MS4A7: variants seen among roughly 807,000 people sequenced by gnomAD.
MS4A7 encodes membrane spanning 4-domains A7, also known as membrane-spanning 4-domains subfamily A member 7.
A neutral mutation model predicts 23.5 loss-of-function variants in MS4A7; 21 were observed. The observed-to-expected ratio is 0.89, with a 90% CI of 0.63 to 1.29. The LOEUF is 1.29. Ranked by LOEUF, MS4A7 falls within the 50% of genes most tolerant of loss-of-function variation. MS4A7 has a pLI of 0.00. For missense variants in MS4A7, 263 were observed against 274.2 expected (o/e 0.96, Z 0.29); for synonymous variants, 111 against 107.4 (o/e 1.03, Z -0.21).
chr11:60,389,234 G>T, intron 4 of MS4A7, 156 bp from the exon 5 acceptor site: 1 of 605,840 alleles, frequency 1.7e-6, no homozygotes. Context: ...ATAGCGACAA[G>T]AGATACAAAG....
At chr11:60,379,370 A>C (rs1269441379) in intron 1 of MS4A7, among the ~76,000 whole-genome samples, 1 of 152,256 alleles carries the variant, frequency 6.6e-6, no homozygotes, top group Non-Finnish European at 1.5e-5. Flanking sequence ...AGTGGCAAAA[A>C]GAAAAAATAG....
Position 60,386,739 on chromosome 11 carries a change from CAATT to C in MS4A7, c.307_310del (p.Ile103SerfsTer12). 1 of 1,613,392 alleles carries C rather than the reference CAATT, an allele frequency of 6.2e-7. No homozygotes were observed. On this transcript the variant is annotated frameshift_variant, in exon 4 of 7. Coordinates refer to ENST00000300184, the MANE Select transcript of MS4A7 (RefSeq NM_021201.5). LOFTEE classifies it high-confidence loss of function. ...CAGTTTGGCATTACTGGATCCCTCT[CAATT>C]ATCTCTGGAAAACAATCAACTAAGC...
At position 60,383,998 on chromosome 11, in the gene MS4A7, T is replaced by C. The variant is rs11230295; in HGVS notation, c.147+710T>C. On this transcript the variant is annotated intron_variant, in intron 2 of 6. Coordinates refer to ENST00000300184, the MANE Select transcript of MS4A7 (RefSeq NM_021201.5). ...CTCATGACCCATTTTTCCCCGTTCA[T>C]ATGAGTAACTATAAGACATCCAAGT... 4.4e-3 allele frequency among the ~76,000 whole-genome samples: 667 copies of C among 152,322 alleles called. 8 individuals are homozygous for C. Among genetic ancestry groups the C allele is most frequent in the African/African-American group, 0.015 (633 of 41,570 alleles).
At position 60,394,811 on chromosome 11, in the gene MS4A7, T is replaced by A. The variant is rs2085595596; in HGVS notation, c.*950T>A. The A allele has an allele frequency of 2.9e-6, 1 of 340,962 alleles. No individual in the cohort carries two copies. 21.1% of individuals were successfully genotyped at this position (340,962 alleles called of 1,614,324 possible). A position where few individuals can be genotyped will look rare whatever the true frequency, so the allele number is the denominator to read the frequency against. On this transcript the variant is annotated 3_prime_UTR_variant, in exon 7 of 7. Transcript: ENST00000300184. The stretch of plus-strand genomic sequence containing the variant: ...GAACAAAACTCCATCTCAAAATAAA[T>A]AAAAAAATAAATAAAAATAAAAATA...
At chr11:60,385,770 G>A (rs888883263) in intron 3 of MS4A7, among the ~76,000 whole-genome samples, 2 of 152,190 alleles carry the variant, frequency 1.3e-5, no homozygotes, top group African/African-American at 4.8e-5. Flanking sequence ...AATGGCTCAT[G>A]AAAAAGGGCC....
Position 60,394,797 on chromosome 11 carries a change from C to T in MS4A7, c.*936C>T. On this transcript the variant is annotated 3_prime_UTR_variant, in exon 7 of 7. Coordinates refer to ENST00000300184, the MANE Select transcript of MS4A7 (RefSeq NM_021201.5). The stretch of plus-strand genomic sequence containing the variant: ...AGCCCGGCCTACAAGAACAAAACTC[C>T]ATCTCAAAATAAATAAAAAAATAAA... 1 of 310,164 alleles carries T rather than the reference C, an allele frequency of 3.2e-6. No homozygotes were observed. The highest frequency in any genetic ancestry group is 5.7e-6 in the Non-Finnish European group (1 of 175,238). The allele number at this position is 310,164 out of a possible 1,614,324, so 19.2% of individuals were successfully genotyped here. A position where few individuals can be genotyped will look rare whatever the true frequency, so the allele number is the denominator to read the frequency against.
At chr11:60,381,238 T>C (rs2085425600) in intron 1 of MS4A7, among the ~76,000 whole-genome samples, 2 of 152,236 alleles carry the variant, frequency 1.3e-5, no homozygotes, top group African/African-American at 4.8e-5. Flanking sequence ...CTGACTCCAC[T>C]GCAGGGATTC....
intron 3 of MS4A7, 53 bp downstream of exon 3, chr11:60,385,275 G>T: frequency 6.2e-7 from 1 of 1,605,986 alleles, no homozygotes; most frequent in East Asian, 2.2e-5. Context: ...TGCTAACCAG[G>T]TGCATAGTCG....
intron 4 of MS4A7, among the ~76,000 whole-genome samples, chr11:60,387,508 A>C (rs901912841): frequency 1.3e-5 from 2 of 152,114 alleles, no homozygotes; most frequent in Non-Finnish European, 2.9e-5. Context: ...GCTGGAGGAG[A>C]CTATTTCCAT....
chr11:60,383,382 C>T, intron 2 of MS4A7, 94 bp downstream of exon 2: 2 of 1,443,754 alleles, frequency 1.4e-6, no homozygotes, highest in East Asian at 2.3e-5. Flanking sequence ...AACTCTTTCA[C>T]TCTTTTCTGG....
chr11:60,386,067 A>G (rs1286994205), intron 3 of MS4A7, among the ~76,000 whole-genome samples: 3 of 152,202 alleles, frequency 2.0e-5, no homozygotes, highest in Admixed American at 2.0e-4. Context: ...GCGTTAGCTC[A>G]TACTGGACCC....
In MS4A7 at chr11:60,394,130, T is replaced by C. The variant is rs1377760528; in HGVS notation, c.*269T>C. ...TTTGGGTAAACTGAGCAGAAGGTGA[T>C]ACACAGAAGGGAAAATGTGCACTCA... On this transcript the variant is annotated 3_prime_UTR_variant, in exon 7 of 7. Transcript: ENST00000300184. The C allele has an allele frequency of 7.4e-6, 2 of 270,538 alleles. No individual in the cohort carries two copies. Among genetic ancestry groups the C allele is most frequent in the Non-Finnish European group, 1.4e-5 (2 of 146,244 alleles). The allele number at this position is 270,538 out of a possible 1,614,324, so 16.8% of individuals were successfully genotyped here.
chr11:60,391,757 A>G (rs1019539901), intron 5 of MS4A7, among the ~76,000 whole-genome samples: 3 of 152,072 alleles, frequency 2.0e-5, no homozygotes, highest in African/African-American at 7.3e-5. Context: ...TGTCTCTACT[A>G]AAAATACAAA....
chr11:60,384,719 A>G (rs1010625068), intron 2 of MS4A7, among the ~76,000 whole-genome samples: 1 of 152,246 alleles, frequency 6.6e-6, no homozygotes, highest in Non-Finnish European at 1.5e-5. Flanking sequence ...TCTAATTTCA[A>G]CTGAAAAATC....
At chr11:60,392,967 A>G (rs1399983473) in intron 6 of MS4A7, among the ~76,000 whole-genome samples, 181 bp downstream of exon 6, 2 of 152,182 alleles carry the variant, frequency 1.3e-5, no homozygotes, top group African/African-American at 4.8e-5. Flanking sequence ...TAAAAATATG[A>G]AAAACTAGCC....
At chr11:60,381,192 C>T (rs2085425133) in intron 1 of MS4A7, among the ~76,000 whole-genome samples, 1 of 152,152 alleles carries the variant, frequency 6.6e-6, no homozygotes, top group South Asian at 2.1e-4. Flanking sequence ...ACTTTTTCTC[C>T]TTCTCTGGCT....
intron 1 of MS4A7, among the ~76,000 whole-genome samples, chr11:60,379,580 C>G (rs960716139): frequency 1.0e-5 from 1 of 98,160 alleles, no homozygotes; most frequent in Non-Finnish European, 2.3e-5. Flanking sequence ...GCTCAGTCAC[C>G]CAGGCTAGAG....
At chr11:60,388,427 A>G (rs943111707) in intron 4 of MS4A7, among the ~76,000 whole-genome samples, 2 of 152,228 alleles carry the variant, frequency 1.3e-5, no homozygotes, top group Admixed American at 1.3e-4. Context: ...GTCCAGAACT[A>G]TGACTCCAAC....
chr11:60,389,446 C>G lies in MS4A7; in HGVS notation c.396C>G (p.Leu132=), dbSNP rs2085526337. 1 of 1,614,090 alleles carries G rather than the reference C, an allele frequency of 6.2e-7. No individual in the cohort carries two copies. Among genetic ancestry groups the G allele is most frequent in the Non-Finnish European group, 8.5e-7 (1 of 1,179,966 alleles). ...GTTCTGTTACTGCAGGAGCAGGCCT[C>G]TTCCTCCTTGCTGACAGCATGGTAG... ...AVSSVTAGAG[L]FLLADSMVAL... is the part of the protein sequence containing the mutation. The change falls in exon 5 of 7, where the codon CTC becomes CTG. Residue 132 remains leucine (L), a synonymous_variant. Coordinates refer to ENST00000300184, the MANE Select transcript of MS4A7 (RefSeq NM_021201.5).
Sources: allele counts gnomAD v4.1 joint callset (sites outside exome capture counted in the v4.1 genomes callset), GRCh38; gene constraint gnomAD v4.1.1; transcripts MANE v1.5; gene names NCBI Gene and HGNC (gene_info 2026-07-23, HGNC 2026-07-21).